Variants in PARP11 observed in about 807,000 individuals in gnomAD.
PARP11 encodes protein mono-ADP-ribosyltransferase PARP11.
In PARP11, 31 loss-of-function variants were observed where a neutral mutation model predicts 42.9. That is an observed-to-expected ratio of 0.72 (90% CI 0.54 to 0.98). PARP11 has a LOEUF of 0.98. Among genes scored for constraint, PARP11 ranks in the 50% least tolerant of loss-of-function variants. The probability of loss-of-function intolerance (pLI) is 0.00; values close to 1 mark genes in which losing one functional copy is unlikely to be tolerated. For missense variants in PARP11, 365 were observed against 413.1 expected, an observed-to-expected ratio of 0.88 and a Z score of 1.01; for synonymous variants, 137 against 127.3, an observed-to-expected ratio of 1.08 and a Z score of -0.51.
chr12:3,820,058 T>C (rs570417683), intron 6 of PARP11, among the ~76,000 whole-genome samples: 28 of 152,168 alleles, frequency 1.8e-4, no homozygotes, highest in Non-Finnish European at 3.2e-4. Context: ...CAAAGGTGGA[T>C]GGGTCCCCTC....
chr12:3,836,111 A>C (rs1232651397), intron 1 of PARP11, among the ~76,000 whole-genome samples: 1 of 152,066 alleles, frequency 6.6e-6, no homozygotes, highest in African/African-American at 2.4e-5. Context: ...AAGAAGCTCA[A>C]TAAATTCCAA....
At chr12:3,864,500 A>C (rs1178106088) in intron 1 of PARP11, among the ~76,000 whole-genome samples, 2 of 152,184 alleles carry the variant, frequency 1.3e-5, no homozygotes, top group Admixed American at 6.5e-5. Context: ...TTTCTTCCTT[A>C]AATATTTGGT....
intron 1 of PARP11, among the ~76,000 whole-genome samples, chr12:3,857,160 G>A (rs1948207408): frequency 6.6e-6 from 1 of 151,900 alleles, no homozygotes; most frequent in Admixed American, 6.6e-5. Context: ...ATAGCATTAG[G>A]AGAAATACCT....
At chr12:3,839,384 A>G (rs12319851) in intron 1 of PARP11, 398,765 of 1,555,136 alleles carry the variant, frequency 0.26, 56,687 homozygotes, top group Admixed American at 0.47. Context: ...ATGGACGCCT[A>G]TCTGCGGAAA....
intron 1 of PARP11, chr12:3,841,913 C>T (rs1431484168): frequency 6.2e-7 from 1 of 1,607,412 alleles, no homozygotes; most frequent in African/African-American, 1.3e-5. Flanking sequence ...GAGTTTCCAG[C>T]AGCCAGGAGT....
chr12:3,853,024 A>C lies in PARP11; in HGVS notation c.18+20188T>G, dbSNP rs199886851. ...ATTTTCAACCCAGAATTTCATATCCAGCCAAACTAAGCTTCATAAGTGAAG... is the reference window on the plus strand; with the variant it reads ...ATTTTCAACCCAGAATTTCATATCCCGCCAAACTAAGCTTCATAAGTGAAG... On this transcript the variant is annotated intron_variant, in intron 1 of 7. Transcript: ENST00000228820. Among the ~76,000 whole-genome samples the C allele has an allele frequency of 2.0e-4, 31 of 152,356 alleles. No individual in the cohort carries two copies. The East Asian group carries it at 6.0e-3, about 29-fold the overall frequency.
intron 1 of PARP11, among the ~76,000 whole-genome samples, chr12:3,856,214 G>C (rs1948186255): frequency 6.6e-6 from 1 of 152,154 alleles, no homozygotes; most frequent in Non-Finnish European, 1.5e-5. Flanking sequence ...ATAGGCATGG[G>C]CAAGGACTTC....
chr12:3,868,955 T>C (rs180815594), intron 1 of PARP11, among the ~76,000 whole-genome samples: 220 of 152,340 alleles, frequency 1.4e-3, no homozygotes, highest in African/African-American at 5.0e-3. Flanking sequence ...GTGAGTTTGA[T>C]TCCCTTCTAA....
chr12:3,862,752 CTAT>C (rs1417971345), intron 1 of PARP11, among the ~76,000 whole-genome samples: 2 of 151,954 alleles, frequency 1.3e-5, no homozygotes, highest in Non-Finnish European at 2.9e-5. Flanking sequence ...GTTTGTGGCC[CTAT>C]TTTTTATTCT....
chr12:3,866,097 T>A (rs1380536110), intron 1 of PARP11, among the ~76,000 whole-genome samples: 3 of 152,014 alleles, frequency 2.0e-5, no homozygotes, highest in African/African-American at 7.3e-5. Flanking sequence ...TTCCTACCCA[T>A]CATCACTTAA....
chr12:3,819,192 C>A (rs1210238655), intron 6 of PARP11, among the ~76,000 whole-genome samples: 5 of 152,208 alleles, frequency 3.3e-5, no homozygotes, highest in Non-Finnish European at 2.9e-5. Context: ...TTATTCACTC[C>A]ATCGCATACA....
rs771062986 is a variant in PARP11 at position 3,814,173 on chromosome 12, G to C, written c.564C>G (p.Leu188=). The change falls in exon 7 of 8, where the codon CTC becomes CTG. Residue 188 remains leucine, a synonymous_variant. Transcript: ENST00000228820. ...TCTGAGGCACACCTCTTTTTTTCTTGAGCTGAGCCTTTTTCCTAAAAACAC... is the reference window on the plus strand; with the variant it reads ...TCTGAGGCACACCTCTTTTTTTCTTCAGCTGAGCCTTTTTCCTAAAAACAC... ...WEFFCRKKAQ[L]KKKRGVPQIN... 1.9e-6 allele frequency: 3 copies of C among 1,599,262 alleles called. No individual in the cohort carries two copies. The highest frequency in any genetic ancestry group is 2.6e-6 in the Non-Finnish European group (3 of 1,170,840).
At chr12:3,816,577 ATTAG>A (rs1947290494) in intron 6 of PARP11, among the ~76,000 whole-genome samples, 1 of 152,212 alleles carries the variant, frequency 6.6e-6, no homozygotes, top group Admixed American at 6.5e-5. Flanking sequence ...TGGTAATCCT[ATTAG>A]TTAGTTTGGC....
chr12:3,865,282 T>A (rs1399419021), intron 1 of PARP11, among the ~76,000 whole-genome samples: 2 of 152,172 alleles, frequency 1.3e-5, no homozygotes, highest in Non-Finnish European at 2.9e-5. Flanking sequence ...GGCATATATT[T>A]TTACACGTTC....
intron 6 of PARP11, 99 bp from the exon 7 acceptor site, chr12:3,814,287 C>T (rs538255285): frequency 1.1e-6 from 1 of 885,042 alleles, no homozygotes; most frequent in South Asian, 3.9e-5. Flanking sequence ...AAGCGTAAAA[C>T]AGGAAATACT....
Position 3,814,090 on chromosome 12 carries a change from A to G in PARP11, c.647T>C (p.Ile216Thr). The change falls in exon 7 of 8, where the codon ATT becomes ACT. Residue 216 changes from isoleucine (I) to threonine (T), a missense_variant. Coordinates refer to ENST00000228820, the MANE Select transcript of PARP11 (RefSeq NM_020367.6). ...TSSEFVEAICIHNFDWRINGI... is the reference protein window; with the variant it reads ...TSSEFVEAICTHNFDWRINGI... ...ATTTATTCTCCAATCAAAGTTATGA[A>G]TGCAGATTGCTTCCACAAATTCACT... 1 of 1,609,476 alleles carries G rather than the reference A, an allele frequency of 6.2e-7. No homozygotes were observed. Among genetic ancestry groups the G allele is most frequent in the Non-Finnish European group, 8.5e-7 (1 of 1,177,048 alleles).
chr12:3,823,661 A>C (rs1174221605), intron 4 of PARP11, among the ~76,000 whole-genome samples: 1 of 152,210 alleles, frequency 6.6e-6, no homozygotes, highest in East Asian at 1.9e-4. Flanking sequence ...CATGCCTATA[A>C]TCCCAACACT....
At chr12:3,826,306 G>T in intron 3 of PARP11, 73 bp from the exon 4 acceptor site, 1 of 1,034,856 alleles carries the variant, frequency 9.7e-7, no homozygotes, top group Non-Finnish European at 1.4e-6. Flanking sequence ...AAGATTAATA[G>T]CCACGCTACG....
chr12:3,812,464 G>A (rs778727745), intron 7 of PARP11, 25 bp from the exon 8 acceptor site: 11 of 1,550,650 alleles, frequency 7.1e-6, no homozygotes, highest in Non-Finnish European at 9.7e-6. Flanking sequence ...ACCAAGAAAA[G>A]CCAAGATTAC....
Sources: allele counts gnomAD v4.1 joint callset (sites outside exome capture counted in the v4.1 genomes callset), GRCh38; gene constraint gnomAD v4.1.1; transcripts MANE v1.5; gene names NCBI Gene and HGNC (gene_info 2026-07-23, HGNC 2026-07-21).